The following ADAM12 variants were observed in gnomAD, a reference collection of about 807,000 sequenced individuals.
ADAM12 encodes ADAM metallopeptidase domain 12, also known as disintegrin and metalloproteinase domain-containing protein 12.
ADAM12 carries 70 observed loss-of-function variants against 106.4 expected under a neutral mutation model. That is an observed-to-expected ratio of 0.66 (90% CI 0.54 to 0.80). ADAM12 has a LOEUF of 0.80. Ranked by LOEUF, ADAM12 falls within the 30% of genes least tolerant of loss-of-function variation. The pLI is 0.00. For synonymous variants in ADAM12, 420 were observed against 433.5 expected (o/e 0.97, Z 0.39); for missense variants, 1,010 against 1,171.9 (o/e 0.86, Z 2.02).
At position 126,338,557 on chromosome 10, in the gene ADAM12, C is replaced by T. The variant is rs140132983; in HGVS notation, c.89-8048G>A. Among the ~76,000 whole-genome samples the T allele has an allele frequency of 4.8e-4, 73 of 152,316 alleles. 1 individual carries two copies. Among genetic ancestry groups the T allele is most frequent in the Admixed American group, 3.5e-3 (53 of 15,294 alleles). On this transcript the variant is annotated intron_variant, in intron 1 of 22. Transcript: ENST00000448723. Reference sequence around the variant, plus strand: ...GTGAGCCACCGCGCCCGGCCTGTAACTTACATTTTTATAACCGTTACTGGT... The same window carrying T: ...GTGAGCCACCGCGCCCGGCCTGTAATTTACATTTTTATAACCGTTACTGGT...
At chr10:126,296,484 T>C (rs578091048) in intron 2 of ADAM12, among the ~76,000 whole-genome samples, 1 of 152,328 alleles carries the variant, frequency 6.6e-6, no homozygotes, top group South Asian at 2.1e-4. Flanking sequence ...TTCAAAGTCA[T>C]GCAAATTCAT....
intron 3 of ADAM12, among the ~76,000 whole-genome samples, chr10:126,237,505 T>G (rs1384747624): frequency 1.3e-5 from 2 of 152,224 alleles, no homozygotes; most frequent in Non-Finnish European, 2.9e-5. Context: ...ATATCTTCAC[T>G]GGAAACACTT....
rs184282529 is a variant in ADAM12 at position 126,017,131 on chromosome 10, C to A, written c.*148G>T. 5 of 683,234 alleles carry A rather than the reference C, an allele frequency of 7.3e-6. No individual in the cohort carries two copies. Among genetic ancestry groups the A allele is most frequent in the Non-Finnish European group, 1.3e-5 (5 of 398,422 alleles). The allele number at this position is 683,234 out of a possible 1,614,324, so 42.3% of individuals were successfully genotyped here. A position where few individuals can be genotyped will look rare whatever the true frequency, so the allele number is the denominator to read the frequency against. Reference sequence around the variant, plus strand: ...GTAGACAGAGCACCATAGCACAGCACAGCACTGACGGCAGTAGCTCAAAGT... The same window carrying A: ...GTAGACAGAGCACCATAGCACAGCAAAGCACTGACGGCAGTAGCTCAAAGT... On this transcript the variant is annotated 3_prime_UTR_variant, in exon 23 of 23. Transcript: ENST00000448723.
intron 4 of ADAM12, among the ~76,000 whole-genome samples, chr10:126,150,964 A>G (rs1956719028): frequency 6.6e-6 from 1 of 152,194 alleles, no homozygotes; most frequent in Non-Finnish European, 1.5e-5. Flanking sequence ...ATCAGCCACA[A>G]TTAAAATACC....
chr10:126,296,226 T>C (rs1245660189), intron 2 of ADAM12, among the ~76,000 whole-genome samples: 2 of 152,166 alleles, frequency 1.3e-5, no homozygotes, highest in Admixed American at 6.5e-5. Context: ...ACTGCCACTT[T>C]GAATTTCTGG....
intron 21 of ADAM12, among the ~76,000 whole-genome samples, chr10:126,031,542 G>T (rs935789438): frequency 1.3e-5 from 2 of 152,208 alleles, no homozygotes; most frequent in Non-Finnish European, 2.9e-5. Flanking sequence ...AGGAGTAGCT[G>T]CTGTTTACCA....
At chr10:126,207,634 C>T (rs1442864015) in intron 3 of ADAM12, among the ~76,000 whole-genome samples, 1 of 152,150 alleles carries the variant, frequency 6.6e-6, no homozygotes, top group Non-Finnish European at 1.5e-5. Flanking sequence ...ACTCATATAG[C>T]AATTGGTTAC....
intron 1 of ADAM12, among the ~76,000 whole-genome samples, chr10:126,352,217 T>A (rs1177195925): frequency 1.3e-5 from 2 of 152,244 alleles, no homozygotes; most frequent in Non-Finnish European, 2.9e-5. Context: ...ACTGGCTCTC[T>A]GCCCTTTTTC....
rs142898028 is a variant in ADAM12 at position 126,054,186 on chromosome 10, T to C, written c.1610-4517A>G. Among the ~76,000 whole-genome samples the C allele has an allele frequency of 1.1e-3, 170 of 152,374 alleles. 1 individual carries two copies. Among genetic ancestry groups the C allele is most frequent in the African/African-American group, 3.8e-3 (158 of 41,590 alleles). On this transcript the variant is annotated intron_variant, in intron 14 of 22. Transcript: ENST00000448723. The stretch of plus-strand genomic sequence containing the variant: ...ACTTTCTCTATTAGCCCAGTGGGTG[T>C]ATATTCATAACCTCCACAACTGAAC...
chr10:126,345,925 T>C (rs900086062), intron 1 of ADAM12, among the ~76,000 whole-genome samples: 1 of 152,232 alleles, frequency 6.6e-6, no homozygotes, highest in African/African-American at 2.4e-5. Flanking sequence ...TTCTTATTAG[T>C]CTTGCTAGAG....
chr10:126,064,314 C>T lies in ADAM12; in HGVS notation c.1609+492G>A, dbSNP rs921652566. 6.6e-6 allele frequency among the ~76,000 whole-genome samples: 1 copy of T among 152,184 alleles called. No homozygotes were observed. The highest frequency in any genetic ancestry group is 1.5e-5 in the Non-Finnish European group (1 of 68,030). On this transcript the variant is annotated intron_variant, in intron 14 of 22. Transcript: ENST00000448723. The surrounding 1 kb of genome is among the most constrained non-coding windows in gnomAD (Gnocchi z 4.4). ...CTTCCCCATGGAGCCCTGGGCCCCT[C>T]ACTTGGTTGGGGTCCTCTTATGAGT...
intron 3 of ADAM12, among the ~76,000 whole-genome samples, chr10:126,190,901 G>T (rs1485558896): frequency 1.3e-5 from 2 of 151,540 alleles, no homozygotes; most frequent in Non-Finnish European, 2.9e-5. Flanking sequence ...ACAAGATAAT[G>T]CTGGAGAGGT....
intron 18 of ADAM12, among the ~76,000 whole-genome samples, chr10:126,040,604 C>T (rs1954143346): frequency 6.6e-6 from 1 of 152,204 alleles, no homozygotes; most frequent in Non-Finnish European, 1.5e-5. Context: ...ACTGGAAAAG[C>T]ATTGCTTCTG....
chr10:126,198,074 A>T (rs979653323), intron 3 of ADAM12, among the ~76,000 whole-genome samples: 1 of 152,232 alleles, frequency 6.6e-6, no homozygotes, highest in Non-Finnish European at 1.5e-5. Context: ...CAAACCAGGT[A>T]TCTCCTCATG....
chr10:126,198,792 C>A (rs1264254376), intron 3 of ADAM12, among the ~76,000 whole-genome samples: 1 of 152,180 alleles, frequency 6.6e-6, no homozygotes, highest in African/African-American at 2.4e-5. Flanking sequence ...TAAACCCCAC[C>A]AAATTTCATG....
chr10:126,331,358 G>C (rs1016805712), intron 1 of ADAM12, among the ~76,000 whole-genome samples: 19 of 152,072 alleles, frequency 1.2e-4, no homozygotes, highest in African/African-American at 4.6e-4. Context: ...TCTTCAAGCA[G>C]GACTCATAAT....
In ADAM12 at chr10:126,037,040, C is replaced by G. The variant is rs148607340; in HGVS notation, c.2350-715G>C. 3.1e-3 allele frequency among the ~76,000 whole-genome samples: 471 copies of G among 152,292 alleles called. 4 individuals carry two copies. Among genetic ancestry groups the G allele is most frequent in the African/African-American group, 0.011 (438 of 41,564 alleles). Reference sequence around the variant, plus strand: ...TCATGCTTCTCCCTTCCCTCTCCCTCCAATCATCAGTCTGCTTTCTGTCAC... The same window carrying G: ...TCATGCTTCTCCCTTCCCTCTCCCTGCAATCATCAGTCTGCTTTCTGTCAC... On this transcript the variant is annotated intron_variant, in intron 20 of 22. Coordinates refer to ENST00000448723, the MANE Select transcript of ADAM12 (RefSeq NM_001288973.2).
chr10:126,020,291 C>G (rs187764574), intron 21 of ADAM12, among the ~76,000 whole-genome samples: 1 of 152,330 alleles, frequency 6.6e-6, no homozygotes, highest in South Asian at 2.1e-4. Context: ...CAGTCTGCCA[C>G]GTGCAGGCGC....
At chr10:126,200,425 A>G (rs1957676858) in intron 3 of ADAM12, among the ~76,000 whole-genome samples, 1 of 152,194 alleles carries the variant, frequency 6.6e-6, no homozygotes, top group Non-Finnish European at 1.5e-5. Context: ...CACCAATAAA[A>G]GCAGGAGCAT....
Sources: allele counts gnomAD v4.1 joint callset (sites outside exome capture counted in the v4.1 genomes callset), GRCh38; gene constraint gnomAD v4.1.1; non-coding constraint Gnocchi (gnomAD v3.1); transcripts MANE v1.5; gene names NCBI Gene and HGNC (gene_info 2026-07-23, HGNC 2026-07-21).